Variants in HOOK2 observed in about 807,000 individuals in gnomAD.
HOOK2 encodes the protein hook microtubule tethering protein 2.
Under a neutral mutation model 111.9 loss-of-function variants are expected in HOOK2, and 108 were observed. The observed-to-expected ratio is 0.96, with a 90% CI of 0.83 to 1.13. The LOEUF (loss-of-function observed/expected upper bound fraction) is 1.13, where lower values mean the gene tolerates loss of function less well. Among genes scored for constraint, HOOK2 ranks in the 50% most tolerant of loss-of-function variants. The probability of loss-of-function intolerance (pLI) is 0.00; values close to 1 mark genes in which losing one functional copy is unlikely to be tolerated. For synonymous variants in HOOK2, 405 were observed against 394.3 expected (o/e 1.03, Z -0.32); for missense variants, 978 against 951.3 (o/e 1.03, Z -0.37).
Position 12,770,985 on chromosome 19 carries a change from C to T in HOOK2, c.849G>A (p.Leu283=), listed in dbSNP as rs747435808. The change falls in exon 10 of 23, where the codon CTG becomes CTA. Residue 283 remains leucine, a synonymous_variant. Transcript: ENST00000397668. ...CCTGTGCCTCCTGGGCCAGGCTAGT[C>T]AGCGCCTGGTTCCGGTGCTGCAGCT... The part of the protein sequence containing the change: ...VAELQHRNQA[L]TSLAQEAQAL... 1.9e-6 allele frequency: 3 copies of T among 1,611,862 alleles called. No individual in the cohort carries two copies. Among genetic ancestry groups the T allele is most frequent in the South Asian group, 2.2e-5 (2 of 91,006 alleles).
At chr19:12,773,152 A>T in intron 3 of HOOK2, 108 bp from the exon 4 acceptor site, 1 of 1,071,390 alleles carries the variant, frequency 9.3e-7, no homozygotes, top group Non-Finnish European at 1.4e-6. Context: ...ATCTCATCCT[A>T]TTCTGTCTGC....
chr19:12,775,525 C>T lies in HOOK2; in HGVS notation c.-76G>A, dbSNP rs1042248389. The T allele has an allele frequency of 1.1e-4, 172 of 1,506,338 alleles. 2 individuals carry two copies. Among genetic ancestry groups the T allele is most frequent in the Middle Eastern group, 6.2e-4 (3 of 4,854 alleles). The allele number at this position is 1,506,338 out of a possible 1,614,324, so 93.3% of individuals were successfully genotyped here. On this transcript the variant is annotated 5_prime_UTR_variant, in exon 1 of 23. Coordinates refer to ENST00000397668, the MANE Select transcript of HOOK2 (RefSeq NM_013312.3). ...CCTCCGGGTCCGCCACCAGCGAGCG[C>T]CCGCAGCCCCGACCTCCCGCTCGGC... is the stretch of plus-strand genomic sequence containing the variant.
At position 12,791,525 on chromosome 19, in the gene HOOK2, G is replaced by A; in HGVS notation, n.42-17300C>T. ...GGCCAGGCCAGCCTCGGAGCCAGCA[G>A]GGAGCTGGGAGCTGGGGGAAACGAC... On this transcript the variant is annotated intron_variant and non_coding_transcript_variant, in intron 3 of 3. Transcript: ENST00000589765. The surrounding 1 kb of genome is among the most constrained non-coding windows in gnomAD (Gnocchi z 7.0). The A allele has an allele frequency of 2.2e-6, 1 of 454,938 alleles. No homozygotes were observed. The highest frequency in any genetic ancestry group is 3.9e-6 in the Non-Finnish European group (1 of 257,596). The allele number at this position is 454,938 out of a possible 1,614,324, so 28.2% of individuals were successfully genotyped here. A position where few individuals can be genotyped will look rare whatever the true frequency, so the allele number is the denominator to read the frequency against.
At chr19:12,765,578 T>C in intron 18 of HOOK2, 112 bp downstream of exon 18, 1 of 1,387,826 alleles carries the variant, frequency 7.2e-7, no homozygotes, top group African/African-American at 1.4e-5. Context: ...TGAAACCCCG[T>C]CTCTACTAAA....
At chr19:12,773,482 AG>A (rs1179222234) in intron 3 of HOOK2, among the ~76,000 whole-genome samples, 1 of 151,900 alleles carries the variant, frequency 6.6e-6, no homozygotes, top group Admixed American at 6.6e-5. Context: ...CCTGAGCTCA[AG>A]CAATCCTCCC....
At chr19:12,768,339 C>T (rs572501738) in intron 11 of HOOK2, among the ~76,000 whole-genome samples, 23 of 152,296 alleles carry the variant, frequency 1.5e-4, no homozygotes, top group Non-Finnish European at 3.1e-4. Flanking sequence ...AAGCAGTCCT[C>T]CCACTTCAGC....
At position 12,771,472 on chromosome 19, in the gene HOOK2, G is replaced by A. The variant is rs749036270; in HGVS notation, c.525C>T (p.Arg175=). 9 of 1,611,406 alleles carry A rather than the reference G, an allele frequency of 5.6e-6. No individual in the cohort carries two copies. The Admixed American group carries it at 1.5e-4, about 27-fold the overall frequency. Residue 175 remains arginine (R), a synonymous_variant, in exon 8 of 23, where the codon CGC becomes CGT. Coordinates refer to ENST00000397668, the MANE Select transcript of HOOK2 (RefSeq NM_013312.3). ...CCTCCTCACTTAGGAAATAGTACCT[G>A]CGGGACTGCAGAGATGAGGGGGAAG... The part of the protein sequence containing the change: ...ETYGNFDSQS[R]RYYFLSEEAE...
upstream of HOOK2, among the ~76,000 whole-genome samples, chr19:12,778,729 G>T (rs556006474): frequency 2.6e-5 from 4 of 152,184 alleles, no homozygotes; most frequent in African/African-American, 4.8e-5. Flanking sequence ...TAGGCAAATT[G>T]ACTTAAATTG....
At chr19:12,787,388 T>TG (rs1968668206) in intron 3 of HOOK2, among the ~76,000 whole-genome samples, 1 of 152,030 alleles carries the variant, frequency 6.6e-6, no homozygotes, top group South Asian at 2.1e-4. Flanking sequence ...CCCAGCACTT[T>TG]GGGAGGCTGA....
At chr19:12,778,801 C>T (rs1968567779), upstream of HOOK2, among the ~76,000 whole-genome samples, 1 of 152,162 alleles carries the variant, frequency 6.6e-6, no homozygotes, top group Non-Finnish European at 1.5e-5. Flanking sequence ...AGTCCCCAGA[C>T]TTAAGGAAAA....
At chr19:12,785,755 CT>C (rs1305811820) in intron 3 of HOOK2, among the ~76,000 whole-genome samples, 5 of 152,226 alleles carry the variant, frequency 3.3e-5, no homozygotes, top group African/African-American at 1.2e-4. Flanking sequence ...CGCTTGCCCC[CT>C]GGACCTTGCC....
chr19:12,772,296 G>A (rs767702336), intron 6 of HOOK2, 44 bp from the exon 7 acceptor site: 2 of 1,592,434 alleles, frequency 1.3e-6, no homozygotes, highest in South Asian at 2.2e-5. Flanking sequence ...GATATCTGAG[G>A]CCAGCCTTCA....
chr19:12,763,079 A>C lies in HOOK2; in HGVS notation c.*203T>G. 1.7e-6 allele frequency: 1 copy of C among 587,108 alleles called. No homozygotes were observed. Among genetic ancestry groups the C allele is most frequent in the East Asian group, 2.9e-5 (1 of 34,130 alleles). The allele number at this position is 587,108 out of a possible 1,614,324, so 36.4% of individuals were successfully genotyped here. On this transcript the variant is annotated 3_prime_UTR_variant, in exon 23 of 23. Coordinates refer to ENST00000397668, the MANE Select transcript of HOOK2 (RefSeq NM_013312.3). ...GCAGCACATGAACTCCAGAGAGAGA[A>C]TCAACAACAAGAATCACATTGCTAA... is the stretch of plus-strand genomic sequence containing the variant.
At chr19:12,769,615 T>C (rs1470487984) in intron 11 of HOOK2, among the ~76,000 whole-genome samples, 2 of 152,154 alleles carry the variant, frequency 1.3e-5, no homozygotes, top group Admixed American at 1.3e-4. Flanking sequence ...ACGAGTTTTG[T>C]TACATGGTTA....
intron 20 of HOOK2, chr19:12,764,273 C>T (rs1280876099): frequency 6.2e-6 from 1 of 160,090 alleles, no homozygotes; most frequent in East Asian, 1.9e-4. Flanking sequence ...TTCAGCCTCC[C>T]AAAGTGCTGG....
chr19:12,788,916 C>G (rs1377622215), intron 3 of HOOK2, among the ~76,000 whole-genome samples: 1 of 152,074 alleles, frequency 6.6e-6, no homozygotes, highest in Non-Finnish European at 1.5e-5. Flanking sequence ...TTAGGGGTCA[C>G]AGGGACCCTC....
chr19:12,778,790 G>T (rs536103145), upstream of HOOK2, among the ~76,000 whole-genome samples: 1 of 152,308 alleles, frequency 6.6e-6, no homozygotes, highest in South Asian at 2.1e-4. Context: ...GGGGAGCCAG[G>T]AGTCCCCAGA....
chr19:12,764,140 G>C (rs574808819), intron 20 of HOOK2, among the ~76,000 whole-genome samples: 8 of 151,820 alleles, frequency 5.3e-5, no homozygotes, highest in African/African-American at 1.9e-4. Context: ...TCAGCCTCCC[G>C]AGTAGCTGGG....
intron 20 of HOOK2, 47 bp from the exon 21 acceptor site, chr19:12,763,825 C>T: frequency 1.5e-6 from 2 of 1,347,700 alleles, no homozygotes; most frequent in Non-Finnish European, 2.1e-6. Flanking sequence ...CCTTGAAACC[C>T]CCTGGGACAT....
Sources: allele counts gnomAD v4.1 joint callset (sites outside exome capture counted in the v4.1 genomes callset), GRCh38; gene constraint gnomAD v4.1.1; non-coding constraint Gnocchi (gnomAD v3.1); transcripts MANE v1.5; gene names NCBI Gene and HGNC (gene_info 2026-07-23, HGNC 2026-07-21).